EML4: variants seen among roughly 807,000 people sequenced by gnomAD.
The protein encoded by EML4 is EMAP like 4.
Under a neutral mutation model 129.0 loss-of-function variants are expected in EML4, and 72 were observed. The ratio of observed to expected loss-of-function variants is 0.56; its 90% confidence interval spans 0.46 to 0.68. The LOEUF is 0.68. EML4 is among the 30% of genes least tolerant of loss of function. The pLI is 0.00. For missense variants in EML4, 1,363 were observed against 1,190.6 expected, an observed-to-expected ratio of 1.14 and a Z score of -2.13; for synonymous variants, 532 against 405.0, an observed-to-expected ratio of 1.31 and a Z score of -3.77.
chr2:42,244,101 G>GTTTTTTTTTTTTTTTT (rs147426155), intron 1 of EML4, among the ~76,000 whole-genome samples: 10 of 81,360 alleles, frequency 1.2e-4, no homozygotes, highest in African/African-American at 1.7e-4. Flanking sequence ...TTTGTTTTTT[G>GTTTTTTTTTTTTTTTT]TTTTTTTTTT....
At chr2:42,294,924 G>A (rs1222414191) in intron 11 of EML4, among the ~76,000 whole-genome samples, 1 of 152,088 alleles carries the variant, frequency 6.6e-6, no homozygotes, top group African/African-American at 2.4e-5. Flanking sequence ...AGCATAAAAG[G>A]TGATACGATA....
intron 1 of EML4, among the ~76,000 whole-genome samples, chr2:42,225,334 T>C (rs1476323623): frequency 6.6e-6 from 1 of 152,128 alleles, no homozygotes; most frequent in Admixed American, 6.5e-5. Flanking sequence ...CCCACTGTTT[T>C]CTATGGTGGC....
chr2:42,188,351 G>C (rs1281547685), intron 1 of EML4, among the ~76,000 whole-genome samples: 12 of 152,132 alleles, frequency 7.9e-5, no homozygotes, highest in Admixed American at 7.2e-4. Context: ...TCGCGGAGTA[G>C]CTGGGACTAC....
intron 1 of EML4, among the ~76,000 whole-genome samples, chr2:42,184,101 C>CT (rs1408464001): frequency 3.9e-5 from 6 of 152,160 alleles, no homozygotes; most frequent in Non-Finnish European, 7.3e-5. Context: ...TTGAATGAGT[C>CT]TGTGTCACAG....
At position 42,288,213 on chromosome 2, in the gene EML4, T is replaced by G. The variant is rs567975399; in HGVS notation, c.1123-14T>G. On this transcript the variant is annotated splice_polypyrimidine_tract_variant and intron_variant, in intron 10 of 22. Coordinates refer to ENST00000318522, the MANE Select transcript of EML4 (RefSeq NM_019063.5). ...CAGTGAATTTTAAAATGCCTCTGAT[T>G]GACTTTTCTTTAGGATTCAGGTGTT... is the stretch of plus-strand genomic sequence containing the variant. The G allele has an allele frequency of 8.6e-7, 1 of 1,163,570 alleles. No homozygotes were observed. Among genetic ancestry groups the G allele is most frequent in the Non-Finnish European group, 1.2e-6 (1 of 805,586 alleles). 72.1% of individuals were successfully genotyped at this position (1,163,570 alleles called of 1,614,324 possible). A position where few individuals can be genotyped will look rare whatever the true frequency, so the allele number is the denominator to read the frequency against.
chr2:42,277,720 C>T (rs966937111), intron 6 of EML4, among the ~76,000 whole-genome samples: 20 of 152,040 alleles, frequency 1.3e-4, no homozygotes, highest in Admixed American at 1.3e-3. Context: ...AGACATGTAC[C>T]ACCACACCCA....
At position 42,283,952 on chromosome 2, in the gene EML4, C is replaced by G. The variant is rs17389443; in HGVS notation, c.942-682C>G. On this transcript the variant is annotated intron_variant, in intron 8 of 22. Transcript: ENST00000318522. ...GCAAGAGAATGTTCACAGTGTACAA[C>G]CGTTGTTGAAAGAGTCTAGATATGG... Among the ~76,000 whole-genome samples, 727 of 152,256 alleles carry G rather than the reference C, an allele frequency of 4.8e-3. 1 individual carries two copies. Among genetic ancestry groups the G allele is most frequent in the Non-Finnish European group, 5.1e-3 (350 of 68,000 alleles).
intron 11 of EML4, among the ~76,000 whole-genome samples, chr2:42,294,664 T>C (rs1667845426): frequency 6.6e-6 from 1 of 151,746 alleles, no homozygotes; most frequent in African/African-American, 2.4e-5. Context: ...CCATTTGCAC[T>C]CTAGCCTGGG....
intron 13 of EML4, among the ~76,000 whole-genome samples, chr2:42,296,556 C>T (rs10490553): frequency 0.22 from 34,038 of 151,806 alleles, 4,626 homozygotes; most frequent in East Asian, 0.56. Flanking sequence ...TAAGGGAATC[C>T]CTGTTCGTGT....
At chr2:42,257,129 T>C (rs1676205522) in intron 3 of EML4, among the ~76,000 whole-genome samples, 2 of 152,002 alleles carry the variant, frequency 1.3e-5, no homozygotes, top group Non-Finnish European at 2.9e-5. Context: ...TGTATGTGTG[T>C]GTGTGTTAGG....
intron 1 of EML4, among the ~76,000 whole-genome samples, chr2:42,201,938 C>T (rs539424838): frequency 5.9e-5 from 9 of 152,108 alleles, no homozygotes; most frequent in African/African-American, 2.2e-4. Flanking sequence ...AAAAAATTAG[C>T]CGGGTGTGGT....
chr2:42,253,265 T>C (rs1295723224), intron 2 of EML4, among the ~76,000 whole-genome samples: 2 of 152,198 alleles, frequency 1.3e-5, no homozygotes, highest in African/African-American at 2.4e-5. Flanking sequence ...AATTTAGTTT[T>C]CATCCTGAAG....
At chr2:42,240,208 A>G (rs1249391585) in intron 1 of EML4, among the ~76,000 whole-genome samples, 1 of 152,234 alleles carries the variant, frequency 6.6e-6, no homozygotes, top group Non-Finnish European at 1.5e-5. Context: ...ACTTGTTTTA[A>G]GAAGTTAAGC....
intron 14 of EML4, among the ~76,000 whole-genome samples, chr2:42,302,648 C>T (rs1324812459): frequency 3.9e-5 from 6 of 151,964 alleles, no homozygotes; most frequent in Admixed American, 6.6e-5. Context: ...ATTCTCCTGC[C>T]TCAGCCTCCT....
intron 5 of EML4, 56 bp downstream of exon 5, chr2:42,263,362 T>C (rs567068354): frequency 4.8e-6 from 7 of 1,469,902 alleles, no homozygotes; most frequent in Admixed American, 4.0e-5. Context: ...TTGGCTATTA[T>C]GTTTGCATGT....
intron 1 of EML4, among the ~76,000 whole-genome samples, chr2:42,223,468 A>C: frequency 6.6e-6 from 1 of 152,166 alleles, no homozygotes; most frequent in East Asian, 1.9e-4. Context: ...GAAGTAGCTG[A>C]AGTTTAACGA....
Position 42,295,131 on chromosome 2 carries a change from A to C in EML4, c.1225A>C (p.Asn409His), listed in dbSNP as rs755273477. 6.2e-7 allele frequency: 1 copy of C among 1,608,266 alleles called. No individual in the cohort carries two copies. Among genetic ancestry groups the C allele is most frequent in the Admixed American group, 1.7e-5 (1 of 58,398 alleles). The part of the protein sequence containing the change: ...KAKGAEIKTT[N>H]EVVLAVEFHP... ...TTTATTTCCCTTTTCATAGACAACA[A>C]ATGAAGTTGTTTTGGCTGTGGAGTT... is the stretch of plus-strand genomic sequence containing the variant. Residue 409 changes from asparagine (N) to histidine (H), a missense_variant, in exon 12 of 23, where the codon AAT (asparagine) becomes CAT (histidine). By Grantham distance (68) the Asn-to-His change is moderately conservative (BLOSUM62 1). Coordinates refer to ENST00000318522, the MANE Select transcript of EML4 (RefSeq NM_019063.5).
intron 1 of EML4, among the ~76,000 whole-genome samples, chr2:42,227,441 C>G (rs988946897): frequency 6.6e-6 from 1 of 151,398 alleles, no homozygotes; most frequent in African/African-American, 2.4e-5. Flanking sequence ...TACATCCTAC[C>G]TGCTTTCAAA....
At chr2:42,320,212 CTTA>C (rs59762064) in intron 19 of EML4, among the ~76,000 whole-genome samples, 4,167 of 151,854 alleles carry the variant, frequency 0.027, 193 homozygotes, top group African/African-American at 0.094. Context: ...AAGAAACAAG[CTTA>C]TTATTACTCA....
Sources: gnomAD v4.1 joint callset for allele counts (sites outside exome capture counted in the v4.1 genomes callset) on GRCh38, gnomAD v4.1.1 for gene constraint, MANE v1.5 for transcripts, NCBI Gene and HGNC (gene_info 2026-07-23, HGNC 2026-07-21) for gene names.